CPA6: variants seen among roughly 807,000 people sequenced by gnomAD.
CPA6 encodes carboxypeptidase B.
In CPA6, 58 loss-of-function variants were observed where a neutral mutation model predicts 63.3. That is an observed-to-expected ratio of 0.92 (90% CI 0.74 to 1.14). The LOEUF (loss-of-function observed/expected upper bound fraction) is 1.14, where lower values mean the gene tolerates loss of function less well. Among genes scored for constraint, CPA6 ranks in the 50% most tolerant of loss-of-function variants. The pLI is 0.00. For missense variants in CPA6, 565 were observed against 526.6 expected (o/e 1.07, Z -0.71); for synonymous variants, 185 against 179.0 (o/e 1.03, Z -0.27).
At chr8:67,423,553 C>T (rs576448754) in intron 10 of CPA6, among the ~76,000 whole-genome samples, 2 of 152,340 alleles carry the variant, frequency 1.3e-5, no homozygotes, top group South Asian at 4.1e-4. Flanking sequence ...TCTCCAGACC[C>T]TCAACATGCC....
intron 5 of CPA6, among the ~76,000 whole-genome samples, chr8:67,507,973 C>T (rs1811964328): frequency 6.6e-6 from 1 of 150,848 alleles, no homozygotes; most frequent in Non-Finnish European, 1.5e-5. Context: ...AGAGATGAGG[C>T]TTCCTCCTGT....
chr8:67,522,988 T>G (rs563325158), intron 2 of CPA6, among the ~76,000 whole-genome samples: 1 of 152,340 alleles, frequency 6.6e-6, no homozygotes, highest in East Asian at 1.9e-4. Context: ...ATAGTAGTAG[T>G]TATTTTTGTT....
At chr8:67,552,285 A>G (rs574874119) in intron 2 of CPA6, among the ~76,000 whole-genome samples, 170 of 152,234 alleles carry the variant, frequency 1.1e-3, no homozygotes, top group Non-Finnish European at 1.9e-3. Context: ...AGCTTGGGAC[A>G]CAAAATGCTA....
chr8:67,448,956 T>C (rs186353943), intron 8 of CPA6, among the ~76,000 whole-genome samples: 66 of 152,192 alleles, frequency 4.3e-4, no homozygotes, highest in African/African-American at 1.5e-3. Context: ...TGGTTATATA[T>C]TAAAGTGTAA....
intron 1 of CPA6, among the ~76,000 whole-genome samples, chr8:67,635,939 T>G (rs947480846): frequency 2.0e-5 from 3 of 151,454 alleles, no homozygotes; most frequent in African/African-American, 7.4e-5. Context: ...TGCAGTGATG[T>G]TTTTTGCTGC....
intron 2 of CPA6, among the ~76,000 whole-genome samples, chr8:67,607,946 G>T (rs1052114783): frequency 6.6e-6 from 1 of 151,570 alleles, no homozygotes; most frequent in Non-Finnish European, 1.5e-5. Flanking sequence ...ACAGACAAAG[G>T]TGGTTATTTC....
intron 1 of CPA6, among the ~76,000 whole-genome samples, chr8:67,642,252 A>C (rs1478019631): frequency 6.6e-6 from 1 of 151,872 alleles, no homozygotes; most frequent in Admixed American, 6.6e-5. Context: ...TGGGAGGCAG[A>C]GGTTGCAGTG....
chr8:67,569,004 G>C (rs746694271), intron 2 of CPA6, among the ~76,000 whole-genome samples: 4 of 152,190 alleles, frequency 2.6e-5, no homozygotes, highest in Non-Finnish European at 5.9e-5. Context: ...ACCCACCTTG[G>C]CCTCCCAAAG....
intron 6 of CPA6, among the ~76,000 whole-genome samples, chr8:67,504,840 C>A (rs540740890): frequency 6.6e-6 from 1 of 152,026 alleles, no homozygotes. Context: ...GGGAGGGTAG[C>A]AGAGGCACAG....
In CPA6 at chr8:67,483,824, G is replaced by A; in HGVS notation, c.782C>T (p.Ser261Leu). The change falls in exon 8 of 11, where the codon TCA becomes TTA. Residue 261 changes from serine to leucine, a missense_variant. Coordinates refer to ENST00000297770, the MANE Select transcript of CPA6 (RefSeq NM_020361.5). ...ATCCACTCCACGGCAGCGAAACCTT[G>A]AGTTCCTTGACCTTGTTTTTCTCCA... Reference protein sequence around the residue: ...RFWRKTRSRNSRFRCRGVDAN... With the variant: ...RFWRKTRSRNLRFRCRGVDAN... The A allele has an allele frequency of 6.2e-7, 1 of 1,614,168 alleles. No individual in the cohort carries two copies. Among genetic ancestry groups the A allele is most frequent in the Non-Finnish European group, 8.5e-7 (1 of 1,180,012 alleles).
intron 1 of CPA6, among the ~76,000 whole-genome samples, chr8:67,692,659 A>G (rs889055326): frequency 9.2e-5 from 14 of 152,302 alleles, no homozygotes; most frequent in African/African-American, 3.4e-4. Context: ...TTTTCATTAC[A>G]ACTAGAATCA....
chr8:67,578,657 G>A (rs1813688283), intron 2 of CPA6, among the ~76,000 whole-genome samples: 1 of 152,152 alleles, frequency 6.6e-6, no homozygotes, highest in Admixed American at 6.5e-5. Context: ...AGTTCAAGAA[G>A]CTTTTGCACA....
intron 2 of CPA6, among the ~76,000 whole-genome samples, chr8:67,520,543 G>T (rs1228261261): frequency 6.6e-6 from 1 of 152,184 alleles, no homozygotes; most frequent in Non-Finnish European, 1.5e-5. Context: ...AAGCAGCATG[G>T]ATATTTCAGT....
chr8:67,636,187 A>G (rs1478204403), intron 1 of CPA6, among the ~76,000 whole-genome samples: 1 of 151,502 alleles, frequency 6.6e-6, no homozygotes, highest in Non-Finnish European at 1.5e-5. Context: ...GTAAACAAGC[A>G]GATATGCAAT....
intron 8 of CPA6, among the ~76,000 whole-genome samples, chr8:67,446,770 A>C (rs1810426085): frequency 6.6e-6 from 1 of 152,156 alleles, no homozygotes; most frequent in African/African-American, 2.4e-5. Flanking sequence ...ATGCTAATTT[A>C]AAAATTGTCA....
At chr8:67,688,689 T>C (rs1816755367) in intron 1 of CPA6, among the ~76,000 whole-genome samples, 1 of 152,210 alleles carries the variant, frequency 6.6e-6, no homozygotes, top group Non-Finnish European at 1.5e-5. Flanking sequence ...ATTGTACACT[T>C]CTCTCCTAGT....
intron 2 of CPA6, among the ~76,000 whole-genome samples, chr8:67,550,331 A>G (rs1812912750): frequency 6.6e-6 from 1 of 152,150 alleles, no homozygotes; most frequent in South Asian, 2.1e-4. Flanking sequence ...GCTTAGGATA[A>G]TGGCCTCCAG....
At chr8:67,592,667 A>AT (rs1399951104) in intron 2 of CPA6, among the ~76,000 whole-genome samples, 1 of 151,820 alleles carries the variant, frequency 6.6e-6, no homozygotes. Flanking sequence ...TTTCTAGTTT[A>AT]TTTGCGTAGA....
chr8:67,641,292 G>T (rs1477811179), intron 1 of CPA6, among the ~76,000 whole-genome samples: 1 of 151,766 alleles, frequency 6.6e-6, no homozygotes, highest in East Asian at 1.9e-4. Context: ...CTTGGCCTGT[G>T]GGCCATAGCT....
Sources: gnomAD v4.1 joint callset for allele counts (sites outside exome capture counted in the v4.1 genomes callset) on GRCh38, gnomAD v4.1.1 for gene constraint, MANE v1.5 for transcripts, NCBI Gene and HGNC (gene_info 2026-07-23, HGNC 2026-07-21) for gene names.